XPC: variants seen among roughly 807,000 people sequenced by gnomAD.
XPC encodes the protein DNA repair protein complementing XP-C cells.
Under a neutral mutation model 95.8 loss-of-function variants are expected in XPC, and 76 were observed. That is an observed-to-expected ratio of 0.79 (90% CI 0.66 to 0.96). The LOEUF (loss-of-function observed/expected upper bound fraction) is 0.96. Among genes scored for constraint, XPC ranks in the 40% least tolerant of loss-of-function variants. The pLI, the probability that XPC is intolerant of heterozygous loss-of-function variation, is 0.00. For synonymous variants in XPC, 442 were observed against 442.1 expected, an observed-to-expected ratio of 1.00 and a Z score of 0.00; for missense variants, 1,146 against 1,179.8, an observed-to-expected ratio of 0.97 and a Z score of 0.42.
rs757879865 is a variant in XPC at position 14,158,609 on chromosome 3, G to A, written c.1274C>T (p.Ala425Val). The A allele has an allele frequency of 6.2e-6, 10 of 1,613,254 alleles. No individual in the cohort carries two copies. Among genetic ancestry groups the A allele is most frequent in the Non-Finnish European group, 8.5e-6 (10 of 1,179,832 alleles). Reference sequence around the variant, plus strand: ...CTCCTCTTTATAAGACACCCTGGAGGCCACCCGCCGCTCCCGGCCATGCGG... The same window carrying A: ...CTCCTCTTTATAAGACACCCTGGAGACCACCCGCCGCTCCCGGCCATGCGG... Reference protein sequence around the residue: ...RRPHGRERRVASRVSYKEESG... With the variant: ...RRPHGRERRVVSRVSYKEESG... The change falls in exon 9 of 16, where the codon GCC (alanine) becomes GTC (valine). Residue 425 changes from alanine (A) to valine (V), a missense_variant. Coordinates refer to ENST00000285021, the MANE Select transcript of XPC (RefSeq NM_004628.5). The surrounding 1 kb of genome is among the most constrained non-coding windows in gnomAD (Gnocchi z 5.2).
At chr3:14,155,071 G>GT (rs927039825) in intron 10 of XPC, among the ~76,000 whole-genome samples, 1 of 152,200 alleles carries the variant, frequency 6.6e-6, no homozygotes. Context: ...TGACTGCTGG[G>GT]TGCTAAAGTC....
intron 3 of XPC, among the ~76,000 whole-genome samples, chr3:14,168,601 CCAGA>C (rs1696487113): frequency 6.6e-6 from 1 of 151,748 alleles, no homozygotes; most frequent in South Asian, 2.1e-4. Flanking sequence ...CCCACACAAC[CCAGA>C]CAGTCTTTAG....
chr3:14,165,749 T>G (rs901462391), intron 5 of XPC, 164 bp from the exon 6 acceptor site: 2 of 742,948 alleles, frequency 2.7e-6, no homozygotes, highest in Non-Finnish European at 4.3e-6. Context: ...CAAGCTTGTC[T>G]TTGACCCTCT....
intron 2 of XPC, among the ~76,000 whole-genome samples, chr3:14,172,035 C>T (rs1696636106): frequency 6.6e-6 from 1 of 152,124 alleles, no homozygotes; most frequent in Non-Finnish European, 1.5e-5. Flanking sequence ...GAAAAACTAT[C>T]CCTCTGTTCT....
At chr3:14,166,537 T>TA (rs1413579815) in intron 5 of XPC, among the ~76,000 whole-genome samples, 26 of 126,802 alleles carry the variant, frequency 2.1e-4, no homozygotes, top group African/African-American at 6.8e-4. Flanking sequence ...AACACCTACA[T>TA]ACTCCACACA....
Position 14,148,813 on chromosome 3 carries a change from C to G in XPC, c.2250+1G>C. On this transcript the variant is annotated splice_donor_variant, in intron 12 of 15. Coordinates refer to ENST00000285021, the MANE Select transcript of XPC (RefSeq NM_004628.5). LOFTEE classifies it high-confidence loss of function. ...CTGAGCCCTTCTGATGCTGCCCTTA[C>G]CTTCCCGTCCACGGCCACTGGGGGC... 6.2e-7 allele frequency: 1 copy of G among 1,613,998 alleles called. No individual in the cohort carries two copies. Among genetic ancestry groups the G allele is most frequent in the South Asian group, 1.1e-5 (1 of 91,088 alleles).
At chr3:14,148,405 G>A in intron 13 of XPC, 157 bp downstream of exon 13, 1 of 1,002,364 alleles carries the variant, frequency 1.0e-6, no homozygotes, top group Non-Finnish European at 1.4e-6. Context: ...AGCCAGAATT[G>A]GTAAAGCACT....
chr3:14,157,866 C>G, intron 9 of XPC, 145 bp downstream of exon 9: 1 of 1,224,664 alleles, frequency 8.2e-7, no homozygotes, highest in Admixed American at 2.6e-5. Context: ...AGCAACTGCC[C>G]CAGCTTTATA....
intron 9 of XPC, among the ~76,000 whole-genome samples, chr3:14,156,958 C>G (rs978994126): frequency 6.6e-6 from 1 of 152,218 alleles, no homozygotes; most frequent in Non-Finnish European, 1.5e-5. Flanking sequence ...TCTCTCTGCC[C>G]TTCTCTGAGA....
At chr3:14,174,027 CAAG>C (rs1696716177) in intron 1 of XPC, among the ~76,000 whole-genome samples, 1 of 152,032 alleles carries the variant, frequency 6.6e-6, no homozygotes. Context: ...TTATATTCCA[CAAG>C]AATATACTTT....
At chr3:14,164,705 G>T in intron 7 of XPC, 108 bp downstream of exon 7, 1 of 1,180,932 alleles carries the variant, frequency 8.5e-7, no homozygotes. Context: ...TATGAGGACT[G>T]AATAAGGTAG....
chr3:14,172,699 C>G (rs890814930), intron 2 of XPC, among the ~76,000 whole-genome samples, 168 bp downstream of exon 2: 4 of 152,188 alleles, frequency 2.6e-5, no homozygotes, highest in Admixed American at 2.0e-4. Context: ...TGTCACTGTT[C>G]TTATCTGAAA....
Position 14,174,140 on chromosome 3 carries a change from CATT to C in XPC, c.104-1081_104-1079del, listed in dbSNP as rs557392377. Among the ~76,000 whole-genome samples, 890 of 152,186 alleles carry C rather than the reference CATT, an allele frequency of 5.8e-3. 7 individuals are homozygous for C. Among genetic ancestry groups the C allele is most frequent in the Non-Finnish European group, 1.0e-2 (679 of 68,008 alleles). ...AGGAGCATTTATTTTAATGTTAGATCATTGATTCCGTTGTTTCTTTAAATGTTT... is the reference window on the plus strand; with the variant it reads ...AGGAGCATTTATTTTAATGTTAGATCGATTCCGTTGTTTCTTTAAATGTTT... On this transcript the variant is annotated intron_variant, in intron 1 of 15. Transcript: ENST00000285021.
At chr3:14,159,675 A>T in intron 8 of XPC, 66 bp downstream of exon 8, 1 of 1,436,210 alleles carries the variant, frequency 7.0e-7, no homozygotes, top group Non-Finnish European at 9.6e-7. Context: ...AATAATGATC[A>T]ATTTTTTTAA....
At chr3:14,150,165 G>C in intron 11 of XPC, among the ~76,000 whole-genome samples, 1 of 152,252 alleles carries the variant, frequency 6.6e-6, no homozygotes. Flanking sequence ...GATCTTCCCT[G>C]GGGAGTGAAG....
At chr3:14,165,843 A>C in intron 5 of XPC, 1 of 433,200 alleles carries the variant, frequency 2.3e-6, no homozygotes. Flanking sequence ...TTTTCAAAAT[A>C]CAAACTGTTT....
At chr3:14,155,877 T>C (rs1695884947) in intron 10 of XPC, among the ~76,000 whole-genome samples, 1 of 152,260 alleles carries the variant, frequency 6.6e-6, no homozygotes, top group East Asian at 1.9e-4. Context: ...CATTTTTAAG[T>C]GTGCAGTTCA....
rs1165845967 is a variant in XPC at position 14,164,856 on chromosome 3, C to G, written c.857G>C (p.Arg286Thr). 6.2e-7 allele frequency: 1 copy of G among 1,613,154 alleles called. No homozygotes were observed. The highest frequency in any genetic ancestry group is 8.5e-7 in the Non-Finnish European group (1 of 1,179,536). ...QDNLQTTLERRFAIYSARDDE... is the reference protein window; with the variant it reads ...QDNLQTTLERTFAIYSARDDE... ...ATCTCGAGCAGAGTAAATAGCAAATCTCCTTTCCAATGTAGTCTGCAGGTT... is the reference window on the plus strand; with the variant it reads ...ATCTCGAGCAGAGTAAATAGCAAATGTCCTTTCCAATGTAGTCTGCAGGTT... Residue 286 changes from arginine to threonine, a missense_variant, in exon 7 of 16, where the codon AGA becomes ACA. By Grantham distance (71) the Arg-to-Thr change is moderately conservative. Transcript: ENST00000285021.
intron 1 of XPC, among the ~76,000 whole-genome samples, chr3:14,174,475 A>G (rs779476965): frequency 2.6e-5 from 4 of 152,234 alleles, no homozygotes; most frequent in Non-Finnish European, 4.4e-5. Flanking sequence ...AGGCATCACA[A>G]ACTTTTCTAG....
Sources: gnomAD v4.1 joint callset for allele counts (sites outside exome capture counted in the v4.1 genomes callset) on GRCh38, gnomAD v4.1.1 for gene constraint, Gnocchi (gnomAD v3.1) non-coding constraint, MANE v1.5 for transcripts, NCBI Gene and HGNC (gene_info 2026-07-23, HGNC 2026-07-21) for gene names.